Variants in SAMHD1 observed in about 807,000 individuals in gnomAD.
The protein encoded by SAMHD1 is SAM and HD domain containing deoxynucleoside triphosphate triphosphohydrolase 1, also known as deoxynucleoside triphosphate triphosphohydrolase SAMHD1.
In SAMHD1, 54 loss-of-function variants were observed where a neutral mutation model predicts 79.6. The ratio of observed to expected loss-of-function variants is 0.68; its 90% CI spans 0.55 to 0.85. SAMHD1 has a LOEUF of 0.85. Ranked by LOEUF, SAMHD1 falls within the 40% of genes least tolerant of loss-of-function variation. The probability of loss-of-function intolerance (pLI) is 0.00; values close to 1 mark genes in which losing one functional copy is unlikely to be tolerated. For missense variants in SAMHD1, 663 were observed against 782.7 expected, an observed-to-expected ratio of 0.85 and a Z score of 1.82; for synonymous variants, 260 against 264.1, an observed-to-expected ratio of 0.98 and a Z score of 0.15.
chr20:36,932,182 T>C (rs540616062), intron 4 of SAMHD1, among the ~76,000 whole-genome samples: 84 of 151,724 alleles, frequency 5.5e-4, no homozygotes, highest in South Asian at 1.0e-3. Context: ...TAATCCCAGC[T>C]ACTTGGAAGG....
intron 15 of SAMHD1, among the ~76,000 whole-genome samples, chr20:36,896,691 C>G (rs1383639247): frequency 3.3e-5 from 5 of 151,874 alleles, no homozygotes; most frequent in Admixed American, 3.3e-4. Flanking sequence ...AAAATTTAGC[C>G]AGGCATTGTG....
At position 36,892,026 on chromosome 20, in the gene SAMHD1, G is replaced by C. The variant is rs1172075935; in HGVS notation, c.*906C>G. On this transcript the variant is annotated 3_prime_UTR_variant, in exon 16 of 16. Coordinates refer to ENST00000646673, the MANE Select transcript of SAMHD1 (RefSeq NM_015474.4). ...GGGCAGTGGGAAGGCCCTCTGGACC[G>C]GGGGAGTGAGTATTCAGGGGACAAA... 5 of 152,326 alleles carry C rather than the reference G, an allele frequency of 3.3e-5. No homozygotes were observed. Among genetic ancestry groups the C allele is most frequent in the African/African-American group, 1.2e-4 (5 of 41,448 alleles). 9.4% of individuals were successfully genotyped at this position (152,326 alleles called of 1,614,324 possible).
chr20:36,893,100 G>A (rs746419935), intron 15 of SAMHD1, 34 bp from the exon 16 acceptor site: 1 of 1,609,018 alleles, frequency 6.2e-7, no homozygotes, highest in Non-Finnish European at 8.5e-7. Context: ...AGGCAATAGA[G>A]AAAAGCCAGT....
At position 36,935,132 on chromosome 20, in the gene SAMHD1, T is replaced by A; in HGVS notation, c.406A>T (p.Ile136Phe). 1 of 1,613,918 alleles carries A rather than the reference T, an allele frequency of 6.2e-7. No individual in the cohort carries two copies. The highest frequency in any genetic ancestry group is 8.5e-7 in the Non-Finnish European group (1 of 1,179,754). Residue 136 changes from isoleucine (I) to phenylalanine (F), a missense_variant, in exon 4 of 16, where the codon ATT becomes TTT. Physicochemically the swap from Ile to Phe is conservative, Grantham distance 21. Transcript: ENST00000646673. The part of the protein sequence containing the change: ...IELHPLLVRI[I>F]DTPQFQRLRY... ...AGACGTTGAAATTGAGGTGTATCAATGATTCGGACGAGGAGAGGGTGGAGC... is the reference window on the plus strand; with the variant it reads ...AGACGTTGAAATTGAGGTGTATCAAAGATTCGGACGAGGAGAGGGTGGAGC...
At chr20:36,948,462 AGGC>A (rs1159843553) in intron 1 of SAMHD1, among the ~76,000 whole-genome samples, 14 of 151,726 alleles carry the variant, frequency 9.2e-5, no homozygotes, top group Non-Finnish European at 1.8e-4. Flanking sequence ...CATGTTGGCC[AGGC>A]TGGGCTTGAA....
chr20:36,921,727 T>C (rs923846919), intron 6 of SAMHD1, among the ~76,000 whole-genome samples: 5 of 151,148 alleles, frequency 3.3e-5, no homozygotes, highest in Admixed American at 6.6e-5. Flanking sequence ...TCCCTCTTGT[T>C]GCCCAGGCTG....
In SAMHD1 at chr20:36,935,084, C is replaced by A. The variant is rs775844501; in HGVS notation, c.454G>T (p.Gly152Cys). Residue 152 changes from glycine to cysteine, a missense_variant, in exon 4 of 16, where the codon GGT becomes TGT. Physicochemically the swap from Gly to Cys is radical, Grantham distance 159. Coordinates refer to ENST00000646673, the MANE Select transcript of SAMHD1 (RefSeq NM_015474.4). ...QRLRYIKQLG[G>C]GYYVFPGASH... The stretch of plus-strand genomic sequence containing the variant: ...GCTCCTGGAAAAACATAGTAACCAC[C>A]TCCCAGCTGTTTGATGTATCGAAGA... The A allele has an allele frequency of 6.2e-7, 1 of 1,614,148 alleles. No individual in the cohort carries two copies. The highest frequency in any genetic ancestry group is 1.7e-5 in the Admixed American group (1 of 60,000).
At position 36,946,764 on chromosome 20, in the gene SAMHD1, C is replaced by A. The variant is rs2063689102; in HGVS notation, c.249G>T (p.Glu83Asp). 1 of 1,613,162 alleles carries A rather than the reference C, an allele frequency of 6.2e-7. No homozygotes were observed. Among genetic ancestry groups the A allele is most frequent in the Non-Finnish European group, 8.5e-7 (1 of 1,179,368 alleles). Reference protein sequence around the residue: ...ITGALLPCLDESRFENLGVSS... With the variant: ...ITGALLPCLDDSRFENLGVSS... ...TTACTCCAAGATTTTCAAAACGAGA[C>A]TCATCAAGACAAGGCAGTAATGCGC... Residue 83 changes from glutamate (E) to aspartate (D), a missense_variant, in exon 2 of 16, where the codon GAG (glutamate) becomes GAT (aspartate). Coordinates refer to ENST00000646673, the MANE Select transcript of SAMHD1 (RefSeq NM_015474.4).
intron 3 of SAMHD1, among the ~76,000 whole-genome samples, chr20:36,937,021 A>C (rs976836995): frequency 3.8e-4 from 58 of 151,752 alleles, no homozygotes; most frequent in Admixed American, 2.6e-4. Context: ...GGCGTCTGTT[A>C]TCCCAGCTAC....
intron 11 of SAMHD1, among the ~76,000 whole-genome samples, chr20:36,908,539 A>G (rs937599617): frequency 1.8e-4 from 28 of 152,072 alleles, no homozygotes; most frequent in African/African-American, 6.5e-4. Flanking sequence ...TGTCTGGCCT[A>G]TTATTTATCT....
rs906055717 is a variant in SAMHD1 at position 36,901,007 on chromosome 20, G to T, written c.1504-2463C>A. 3.3e-5 allele frequency among the ~76,000 whole-genome samples: 5 copies of T among 151,960 alleles called. No homozygotes were observed. In the East Asian group the frequency reaches 9.6e-4, roughly 29 times the overall value. On this transcript the variant is annotated intron_variant, in intron 13 of 15. Coordinates refer to ENST00000646673, the MANE Select transcript of SAMHD1 (RefSeq NM_015474.4). ...ATACACTATGTACCCCATGAAAATA[G>T]ACAGTTATCATTTATCAATTTAAAA... is the stretch of plus-strand genomic sequence containing the variant.
chr20:36,930,812 T>C lies in SAMHD1; in HGVS notation c.573A>G (p.Ile191Met), dbSNP rs2063563849. ...GAACACAGAGAACATCTCGTTCACT[T>C]ATCTGCAGCTCTGGTTGTTTTTCAC... ...ALGEKQPELQ[I>M]SERDVLCVQI... Residue 191 changes from isoleucine to methionine, a missense_variant, in exon 5 of 16, where the codon ATA (isoleucine) becomes ATG (methionine). Ile to Met is a conservative substitution (Grantham distance 10). Transcript: ENST00000646673. 1 of 1,614,052 alleles carries C rather than the reference T, an allele frequency of 6.2e-7. No homozygotes were observed. Among genetic ancestry groups the C allele is most frequent in the Non-Finnish European group, 8.5e-7 (1 of 1,179,960 alleles).
intron 8 of SAMHD1, 41 bp downstream of exon 8, chr20:36,916,908 T>C (rs1214926638): frequency 3.2e-6 from 5 of 1,573,084 alleles, no homozygotes; most frequent in Non-Finnish European, 4.4e-6. Context: ...TAAATTTATA[T>C]AAATATTTTA....
chr20:36,901,233 C>T (rs1393260579), intron 13 of SAMHD1, among the ~76,000 whole-genome samples: 4 of 152,034 alleles, frequency 2.6e-5, no homozygotes, highest in African/African-American at 9.7e-5. Context: ...GGTGCGATCT[C>T]AGCTCACTGC....
chr20:36,908,023 C>T (rs1191595232), intron 11 of SAMHD1, among the ~76,000 whole-genome samples: 6 of 151,776 alleles, frequency 4.0e-5, no homozygotes, highest in Admixed American at 6.6e-5. Context: ...TACAGGCACC[C>T]GCCAGCACGC....
chr20:36,924,388 A>G (rs1205670263), intron 6 of SAMHD1, among the ~76,000 whole-genome samples: 1 of 151,834 alleles, frequency 6.6e-6, no homozygotes, highest in East Asian at 1.9e-4. Flanking sequence ...AAAGTGAGAA[A>G]GAGAAAAAGA....
rs1354079658 is a variant in SAMHD1, at chr20:36,892,517, G to A, written c.*415C>T. The A allele has an allele frequency of 6.6e-5, 15 of 225,774 alleles. No homozygotes were observed. Among genetic ancestry groups the A allele is most frequent in the Non-Finnish European group, 1.2e-4 (14 of 112,560 alleles). The allele number at this position is 225,774 out of a possible 1,614,324, so 14.0% of individuals were successfully genotyped here. ...CATAAAAGTTCAGAGTAAGCTGGGT[G>A]TGGTGGCACATGACTTTAGTCCCAG... is the stretch of plus-strand genomic sequence containing the variant. On this transcript the variant is annotated 3_prime_UTR_variant, in exon 16 of 16. Coordinates refer to ENST00000646673, the MANE Select transcript of SAMHD1 (RefSeq NM_015474.4).
At chr20:36,928,314 G>A (rs1483582831) in intron 5 of SAMHD1, among the ~76,000 whole-genome samples, 2 of 151,832 alleles carry the variant, frequency 1.3e-5, no homozygotes, top group African/African-American at 4.8e-5. Flanking sequence ...GCGTGAACCT[G>A]GGAAGCGGAG....
At chr20:36,933,607 C>T (rs2063581207) in intron 4 of SAMHD1, among the ~76,000 whole-genome samples, 1 of 152,098 alleles carries the variant, frequency 6.6e-6, no homozygotes, top group Non-Finnish European at 1.5e-5. Flanking sequence ...AAGCTATTCT[C>T]CTGCCTCAGC....
Sources: gnomAD v4.1 joint callset for allele counts (sites outside exome capture counted in the v4.1 genomes callset) on GRCh38, gnomAD v4.1.1 for gene constraint, MANE v1.5 for transcripts, NCBI Gene and HGNC (gene_info 2026-07-23, HGNC 2026-07-21) for gene names.